ERC2: variants seen among roughly 807,000 people sequenced by gnomAD.
The protein encoded by ERC2 is ERC protein 2.
ERC2 carries 42 observed loss-of-function variants against 114.8 expected under a neutral mutation model. The ratio of observed to expected loss-of-function variants is 0.37; its 90% CI spans 0.29 to 0.47. The LOEUF (loss-of-function observed/expected upper bound fraction) is 0.47, where lower values mean the gene tolerates loss of function less well. ERC2 is among the 20% of genes least tolerant of loss of function. The probability of loss-of-function intolerance (pLI) is 0.99; values close to 1 mark genes in which losing one functional copy is unlikely to be tolerated. For missense variants in ERC2, 939 were observed against 1,150.7 expected, an observed-to-expected ratio of 0.82 and a Z score of 2.66; for synonymous variants, 454 against 425.5, an observed-to-expected ratio of 1.07 and a Z score of -0.82.
chr3:55,662,854 T>G (rs1000333365), intron 17 of ERC2, among the ~76,000 whole-genome samples: 4 of 152,210 alleles, frequency 2.6e-5, no homozygotes, highest in Admixed American at 2.6e-4. Flanking sequence ...CAATTCAGCT[T>G]AAATTCCATG....
At chr3:55,947,554 T>C (rs2149438332) in intron 13 of ERC2, among the ~76,000 whole-genome samples, 1 of 152,294 alleles carries the variant, frequency 6.6e-6, no homozygotes, top group South Asian at 2.1e-4. Flanking sequence ...CTAGTATGTT[T>C]TTGCTCATTC....
In ERC2 at chr3:56,350,508, A is replaced by G. The variant is rs141092064; in HGVS notation, c.658-54073T>C. ...TTAAAGTTTACAGCTCAAACTCAGG[A>G]AATTCCAGTATGAAGACAAATCAAA... On this transcript the variant is annotated intron_variant, in intron 2 of 17. Transcript: ENST00000288221. Among the ~76,000 whole-genome samples, 601 of 152,358 alleles carry G rather than the reference A, an allele frequency of 3.9e-3. 1 individual carries two copies. The highest frequency in any genetic ancestry group is 7.0e-3 in the Non-Finnish European group (473 of 68,032).
At chr3:56,377,861 A>G (rs909430062) in intron 2 of ERC2, among the ~76,000 whole-genome samples, 2 of 143,086 alleles carry the variant, frequency 1.4e-5, no homozygotes, top group African/African-American at 5.6e-5. Context: ...CCAAAAAAAA[A>G]AACAAAAAAC....
intron 14 of ERC2, among the ~76,000 whole-genome samples, chr3:55,844,946 G>A (rs1174652868): frequency 6.6e-6 from 1 of 152,102 alleles, no homozygotes; most frequent in Non-Finnish European, 1.5e-5. Flanking sequence ...CCAGTGAGGG[G>A]GTAGTTTCAG....
intron 2 of ERC2, among the ~76,000 whole-genome samples, chr3:56,385,061 C>T (rs1220863754): frequency 6.6e-6 from 1 of 152,068 alleles, no homozygotes; most frequent in Non-Finnish European, 1.5e-5. Context: ...ACCTCCATTC[C>T]CAAAAATGTG....
At chr3:56,111,432 C>A (rs1008459256) in intron 6 of ERC2, among the ~76,000 whole-genome samples, 1 of 151,770 alleles carries the variant, frequency 6.6e-6, no homozygotes, top group Non-Finnish European at 1.5e-5. Flanking sequence ...CTCTCTCTCA[C>A]CAGCTCCAAG....
intron 2 of ERC2, among the ~76,000 whole-genome samples, chr3:56,319,735 C>A (rs2057040133): frequency 6.6e-6 from 1 of 152,042 alleles, no homozygotes; most frequent in African/African-American, 2.4e-5. Flanking sequence ...ACTCAAGAGG[C>A]CCAGGAAAGA....
At chr3:56,195,267 G>C (rs2048026918) in intron 3 of ERC2, among the ~76,000 whole-genome samples, 1 of 152,148 alleles carries the variant, frequency 6.6e-6, no homozygotes, top group Admixed American at 6.6e-5. Flanking sequence ...TGGACAAAGG[G>C]AAGATTCACG....
At chr3:56,383,673 T>A (rs373938385) in intron 2 of ERC2, among the ~76,000 whole-genome samples, 1 of 151,340 alleles carries the variant, frequency 6.6e-6, no homozygotes, top group East Asian at 1.9e-4. Context: ...ACTCTTTTTT[T>A]AATTGTGATA....
intron 17 of ERC2, among the ~76,000 whole-genome samples, chr3:55,628,049 G>A (rs957146517): frequency 6.6e-5 from 10 of 151,654 alleles, no homozygotes; most frequent in African/African-American, 2.2e-4. Context: ...AAATATATTG[G>A]CACAAAGTTA....
At chr3:55,710,527 T>C (rs929446740) in intron 15 of ERC2, among the ~76,000 whole-genome samples, 2 of 152,096 alleles carry the variant, frequency 1.3e-5, no homozygotes, top group East Asian at 1.9e-4. Flanking sequence ...ATTCATTGAA[T>C]GGGTACATTT....
chr3:55,984,093 G>A (rs1033662915), intron 12 of ERC2, among the ~76,000 whole-genome samples: 1 of 152,066 alleles, frequency 6.6e-6, no homozygotes, highest in African/African-American at 2.4e-5. Context: ...TTCATTTGAG[G>A]CAACAGGTTA....
chr3:56,002,621 C>T (rs750698175), intron 10 of ERC2, among the ~76,000 whole-genome samples: 1 of 152,128 alleles, frequency 6.6e-6, no homozygotes, highest in African/African-American at 2.4e-5. Context: ...ATGCCTTTAA[C>T]TGTTACAAAA....
chr3:55,522,502 C>T (rs1334452074), intron 17 of ERC2, among the ~76,000 whole-genome samples: 1 of 145,328 alleles, frequency 6.9e-6, no homozygotes, highest in African/African-American at 2.6e-5. Context: ...CCTCCCTTGC[C>T]CAACAGACCA....
At chr3:55,914,895 T>C (rs2065007151) in intron 13 of ERC2, among the ~76,000 whole-genome samples, 2 of 152,204 alleles carry the variant, frequency 1.3e-5, no homozygotes, top group African/African-American at 2.4e-5. Flanking sequence ...AGCAGTCCTC[T>C]ATTTGGGAAC....
intron 17 of ERC2, among the ~76,000 whole-genome samples, chr3:55,672,620 TG>T (rs1559480189): frequency 6.6e-6 from 1 of 151,946 alleles, no homozygotes; most frequent in Admixed American, 6.6e-5. Flanking sequence ...CTGGCAAGGG[TG>T]CTATGTGAGT....
At chr3:56,077,237 C>T (rs2077017273) in intron 7 of ERC2, among the ~76,000 whole-genome samples, 1 of 152,146 alleles carries the variant, frequency 6.6e-6, no homozygotes, top group Admixed American at 6.6e-5. Flanking sequence ...GGATTATTTC[C>T]CTTTCACATT....
chr3:55,666,676 G>A (rs2061367646), intron 17 of ERC2, among the ~76,000 whole-genome samples: 1 of 152,080 alleles, frequency 6.6e-6, no homozygotes, highest in South Asian at 2.1e-4. Context: ...CATCCAGTAG[G>A]TAGAGGCCAG....
At chr3:55,557,861 C>T (rs530485487) in intron 17 of ERC2, among the ~76,000 whole-genome samples, 4 of 152,376 alleles carry the variant, frequency 2.6e-5, no homozygotes, top group African/African-American at 9.6e-5. Context: ...GATCACAACT[C>T]AATTGCCACT....
Sources: allele counts gnomAD v4.1 joint callset (sites outside exome capture counted in the v4.1 genomes callset), GRCh38; gene constraint gnomAD v4.1.1; transcripts MANE v1.5; gene names NCBI Gene and HGNC (gene_info 2026-07-23, HGNC 2026-07-21).